Variants in EDA observed in about 807,000 individuals in gnomAD.
The protein encoded by EDA is ectodysplasin A.
A neutral mutation model predicts 23.6 loss-of-function variants in EDA; 2 were observed. The observed-to-expected ratio is 0.08, with a 90% CI of 0.03 to 0.27. The LOEUF is 0.27. Ranked by LOEUF, EDA falls within the 10% of genes least tolerant of loss-of-function variation. The probability of loss-of-function intolerance (pLI) is 1.00; values close to 1 mark genes in which losing one functional copy is unlikely to be tolerated. For missense variants in EDA, 229 were observed against 324.2 expected, an observed-to-expected ratio of 0.71 and a Z score of 2.26; for synonymous variants, 131 against 132.0, an observed-to-expected ratio of 0.99 and a Z score of 0.05.
At chrX:69,833,969 C>G (rs1409886503) in intron 1 of EDA, among the ~76,000 whole-genome samples, 1 of 78,929 alleles carries the variant, frequency 1.3e-5, no homozygotes, top group Non-Finnish European at 2.3e-5. Context: ...TACCCCACGA[C>G]AGGCACCAGT....
intron 1 of EDA, among the ~76,000 whole-genome samples, chrX:69,890,472 C>T (rs1031743850): frequency 9.0e-6 from 1 of 110,752 alleles, no homozygotes; most frequent in Admixed American, 9.6e-5. Context: ...TGCTACCCAA[C>T]TTTACTATAT....
At chrX:70,008,178 C>A (rs1342849596) in intron 2 of EDA, among the ~76,000 whole-genome samples, 1 of 112,011 alleles carries the variant, frequency 8.9e-6, no homozygotes, top group Non-Finnish European at 1.9e-5. Context: ...ATGGGAACAT[C>A]CTTGCCTTGT....
chrX:69,725,897 G>C (rs935394954), intron 1 of EDA, among the ~76,000 whole-genome samples: 1 of 112,342 alleles, frequency 8.9e-6, no homozygotes, highest in Non-Finnish European at 1.9e-5. Flanking sequence ...GATGTATTGA[G>C]GTGAGCCTAA....
At chrX:69,622,926 TC>T (rs1390526340) in intron 1 of EDA, among the ~76,000 whole-genome samples, 1 of 111,774 alleles carries the variant, frequency 8.9e-6, no homozygotes, top group Non-Finnish European at 1.9e-5. Flanking sequence ...ATCCAACTGA[TC>T]CAGTACCATT....
chrX:69,737,613 T>G (rs1215471805), intron 1 of EDA, among the ~76,000 whole-genome samples: 3 of 112,451 alleles, frequency 2.7e-5, no homozygotes, highest in Non-Finnish European at 5.6e-5. Flanking sequence ...TATTTATCTT[T>G]TAAGAAGAAT....
chrX:69,710,350 G>A (rs376055032), intron 1 of EDA, among the ~76,000 whole-genome samples: 3 of 110,777 alleles, frequency 2.7e-5, no homozygotes, highest in East Asian at 2.9e-4. Flanking sequence ...TGTTCCATTG[G>A]TCTATATCTC....
chrX:69,979,625 A>C (rs1427949989), intron 2 of EDA, among the ~76,000 whole-genome samples: 1 of 111,692 alleles, frequency 9.0e-6, no homozygotes, highest in Admixed American at 9.5e-5. Flanking sequence ...TTTCATTTAC[A>C]TTTCCCTGAT....
chrX:69,622,931 T>C (rs1339305808), intron 1 of EDA, among the ~76,000 whole-genome samples: 1 of 111,870 alleles, frequency 8.9e-6, no homozygotes, highest in African/African-American at 3.2e-5. Flanking sequence ...ACTGATCCAG[T>C]ACCATTAATT....
At chrX:69,789,223 T>C (rs1602410763) in intron 1 of EDA, among the ~76,000 whole-genome samples, 1 of 111,573 alleles carries the variant, frequency 9.0e-6, no homozygotes, top group Non-Finnish European at 1.9e-5. Flanking sequence ...ACCCGGTACC[T>C]CAGATGGAAA....
chrX:69,688,473 TCA>T (rs1199062968), intron 1 of EDA, among the ~76,000 whole-genome samples: 1 of 111,559 alleles, frequency 9.0e-6, no homozygotes, highest in African/African-American at 3.3e-5. Context: ...TGTTCTTGAC[TCA>T]CTACAACCTC....
rs778951456 is a variant in EDA, at chrX:69,714,724, C to T, written c.396+98020C>T. Among the ~76,000 whole-genome samples the T allele has an allele frequency of 9.0e-5, 10 of 111,304 alleles. No homozygotes were observed. The South Asian group carries it at 3.8e-3, about 42-fold the overall frequency. On this transcript the variant is annotated intron_variant, in intron 1 of 7. Coordinates refer to ENST00000374552, the MANE Select transcript of EDA (RefSeq NM_001399.5). ...TTATATGAACATATTTTTGAGTTCT[C>T]TGTTTTGTCTCATGGAGCTGTATGT... is the stretch of plus-strand genomic sequence containing the variant.
chrX:69,812,065 G>A (rs934259938), intron 1 of EDA, among the ~76,000 whole-genome samples: 2 of 112,189 alleles, frequency 1.8e-5, no homozygotes, highest in African/African-American at 6.5e-5. Flanking sequence ...AGTGCCACCA[G>A]TAAAAGGAAA....
At position 69,616,662 on chromosome X, in the gene EDA, G is replaced by C. The variant is rs762842929; in HGVS notation, c.354G>C (p.Pro118=). The stretch of plus-strand genomic sequence containing the variant: ...CACCTAAGCAGCAGCCATTGGAACC[G>C]GGAGAAGCCGCACTCCACTCTGACT... ...QPSPKQQPLE[P]GEAALHSDSQ... is the part of the protein sequence containing the mutation. Residue 118 remains proline (P), a synonymous_variant, in exon 1 of 8, where the codon CCG becomes CCC. Transcript: ENST00000374552. 3 of 1,211,662 alleles carry C rather than the reference G, an allele frequency of 2.5e-6. No individual in the cohort carries two copies. The South Asian group carries it at 5.3e-5, about 21-fold the overall frequency.
intron 1 of EDA, among the ~76,000 whole-genome samples, chrX:69,842,506 G>A (rs1353466358): frequency 8.9e-6 from 1 of 112,223 alleles, no homozygotes; most frequent in Non-Finnish European, 1.9e-5. Context: ...AGTCCCTGGT[G>A]CCAAAAATAT....
chrX:69,832,681 T>G (rs773621946), intron 1 of EDA, among the ~76,000 whole-genome samples: 5 of 111,944 alleles, frequency 4.5e-5, no homozygotes, highest in Admixed American at 1.9e-4. Context: ...GCATGGAATA[T>G]TCTTCCATTT....
At chrX:69,773,108 T>A (rs2014683977) in intron 1 of EDA, among the ~76,000 whole-genome samples, 1 of 111,939 alleles carries the variant, frequency 8.9e-6, no homozygotes, top group African/African-American at 3.3e-5. Flanking sequence ...ACTAATCTAC[T>A]TCCTATTTCA....
intron 1 of EDA, among the ~76,000 whole-genome samples, chrX:69,678,059 C>A (rs1162275422): frequency 9.0e-6 from 1 of 111,057 alleles, no homozygotes; most frequent in African/African-American, 3.3e-5. Context: ...GTTTTCCCAG[C>A]ACCATTTATT....
chrX:69,627,413 C>T (rs1393035617), intron 1 of EDA, among the ~76,000 whole-genome samples: 1 of 111,121 alleles, frequency 9.0e-6, no homozygotes, highest in African/African-American at 3.3e-5. Flanking sequence ...TAAAATATAT[C>T]ATACAGATCA....
At chrX:69,952,073 C>T (rs2018935729) in intron 1 of EDA, among the ~76,000 whole-genome samples, 1 of 112,069 alleles carries the variant, frequency 8.9e-6, no homozygotes. Flanking sequence ...TGATTTTTGT[C>T]TTTACCATTA....
Sources: allele counts gnomAD v4.1 joint callset (sites outside exome capture counted in the v4.1 genomes callset), GRCh38; gene constraint gnomAD v4.1.1; transcripts MANE v1.5; gene names NCBI Gene and HGNC (gene_info 2026-07-23, HGNC 2026-07-21).